Variants in GNB1 observed in about 807,000 individuals in gnomAD.
GNB1 encodes G protein subunit beta 1.
A neutral mutation model predicts 42.9 loss-of-function variants in GNB1; 2 were observed. The observed-to-expected ratio is 0.05, with a 90% CI of 0.02 to 0.15. The LOEUF (loss-of-function observed/expected upper bound fraction) is 0.15, where lower values mean the gene tolerates loss of function less well. GNB1 is among the 10% of genes least tolerant of loss of function. The probability of loss-of-function intolerance (pLI) is 1.00; values close to 1 mark genes in which losing one functional copy is unlikely to be tolerated. For missense variants in GNB1, 193 were observed against 462.2 expected, an observed-to-expected ratio of 0.42 and a Z score of 5.34; for synonymous variants, 183 against 174.7, an observed-to-expected ratio of 1.05 and a Z score of -0.38.
chr1:1,890,194 G>C (rs1650403872), intron 1 of GNB1, among the ~76,000 whole-genome samples: 1 of 152,150 alleles, frequency 6.6e-6, no homozygotes, highest in South Asian at 2.1e-4. Flanking sequence ...CTGCCTCAGC[G>C]GCTCGACACA....
intron 1 of GNB1, among the ~76,000 whole-genome samples, chr1:1,869,642 C>T (rs933305729): frequency 2.0e-5 from 3 of 152,170 alleles, no homozygotes; most frequent in East Asian, 1.9e-4. Context: ...TTATTCATCA[C>T]GTAGCTGGTT....
chr1:1,878,379 A>G (rs570227094), intron 1 of GNB1, among the ~76,000 whole-genome samples: 1 of 152,342 alleles, frequency 6.6e-6, no homozygotes, highest in South Asian at 2.1e-4. Flanking sequence ...ATGTATGCCA[A>G]GCGGGGATTA....
At chr1:1,819,706 T>C (rs1646905859) in intron 3 of GNB1, among the ~76,000 whole-genome samples, 1 of 9,840 alleles carries the variant, frequency 1.0e-4, no homozygotes, top group African/African-American at 1.2e-4. Context: ...GCCCGGCTAA[T>C]TTTTTTTTTT....
At chr1:1,806,325 T>G (rs1646694691) in intron 6 of GNB1, 150 bp downstream of exon 6, 1 of 563,800 alleles carries the variant, frequency 1.8e-6, no homozygotes, top group Non-Finnish European at 3.2e-6. Flanking sequence ...TCAGCTTCTA[T>G]CTCACCTGCG....
intron 5 of GNB1, among the ~76,000 whole-genome samples, chr1:1,806,789 C>G (rs1646700851): frequency 6.6e-6 from 1 of 152,174 alleles, no homozygotes. Flanking sequence ...GCCTGGCCAG[C>G]ATGGCGAAAC....
At chr1:1,883,330 G>A (rs1161756282) in intron 1 of GNB1, among the ~76,000 whole-genome samples, 1 of 151,614 alleles carries the variant, frequency 6.6e-6, no homozygotes, top group African/African-American at 2.4e-5. Context: ...AAAAGATAAG[G>A]ATGTGAGAGA....
At chr1:1,817,701 C>T in intron 4 of GNB1, 136 bp downstream of exon 4, 1 of 588,624 alleles carries the variant, frequency 1.7e-6, no homozygotes, top group East Asian at 2.8e-5. Context: ...AGAATGACTT[C>T]TTAATAAAAG....
At chr1:1,846,108 C>T (rs892630445) in intron 1 of GNB1, among the ~76,000 whole-genome samples, 6 of 151,682 alleles carry the variant, frequency 4.0e-5, no homozygotes, top group African/African-American at 1.5e-4. Flanking sequence ...AGTCTGCTGG[C>T]CAAATTTAGG....
intron 1 of GNB1, among the ~76,000 whole-genome samples, chr1:1,842,208 A>T (rs1417220174): frequency 6.6e-6 from 1 of 152,246 alleles, no homozygotes; most frequent in Admixed American, 6.5e-5. Flanking sequence ...AGGCGGGCAG[A>T]TCACAAGGTC....
intron 1 of GNB1, among the ~76,000 whole-genome samples, chr1:1,888,852 A>C (rs1047071864): frequency 2.6e-5 from 4 of 152,144 alleles, no homozygotes; most frequent in Admixed American, 2.0e-4. Context: ...AAAGTAAAGA[A>C]AGTTCTGCCT....
chr1:1,792,648 A>C (rs965838272), intron 8 of GNB1, among the ~76,000 whole-genome samples: 27 of 149,946 alleles, frequency 1.8e-4, no homozygotes, highest in Non-Finnish European at 3.4e-4. Flanking sequence ...CAATGAGCCG[A>C]GATCACGCCA....
intron 1 of GNB1, among the ~76,000 whole-genome samples, chr1:1,850,507 T>G (rs1172871185): frequency 6.6e-6 from 1 of 152,100 alleles, no homozygotes; most frequent in African/African-American, 2.4e-5. Flanking sequence ...ATCTTCAGTT[T>G]CACTGATTCT....
At chr1:1,802,452 A>C (rs933484278) in intron 7 of GNB1, among the ~76,000 whole-genome samples, 1 of 152,202 alleles carries the variant, frequency 6.6e-6, no homozygotes, top group African/African-American at 2.4e-5. Flanking sequence ...GGATATTAAA[A>C]ATTTCACATT....
intron 7 of GNB1, among the ~76,000 whole-genome samples, chr1:1,800,635 T>C (rs1280552678): frequency 2.0e-5 from 3 of 151,554 alleles, no homozygotes; most frequent in Non-Finnish European, 4.4e-5. Context: ...GTCTAAAACT[T>C]CCCAAATTTG....
At chr1:1,831,696 G>C (rs1420528409) in intron 2 of GNB1, among the ~76,000 whole-genome samples, 2 of 151,868 alleles carry the variant, frequency 1.3e-5, no homozygotes, top group Admixed American at 1.3e-4. Context: ...TCATCTGCCT[G>C]CCTCAGCCTC....
intron 1 of GNB1, among the ~76,000 whole-genome samples, chr1:1,856,577 G>A (rs978621452): frequency 6.6e-6 from 1 of 152,144 alleles, no homozygotes; most frequent in East Asian, 1.9e-4. Context: ...ACAGGCACGC[G>A]CTACGACGCC....
intron 1 of GNB1, among the ~76,000 whole-genome samples, chr1:1,860,553 T>C (rs1395221352): frequency 2.7e-5 from 4 of 146,966 alleles, no homozygotes; most frequent in African/African-American, 1.0e-4. Context: ...AGGAGAACGG[T>C]GTCAACCTTG....
chr1:1,880,170 T>C (rs953463340), intron 1 of GNB1, among the ~76,000 whole-genome samples: 2 of 152,044 alleles, frequency 1.3e-5, no homozygotes, highest in African/African-American at 4.8e-5. Flanking sequence ...CAGCCTCAAG[T>C]GATCCTCCTG....
chr1:1,826,668 G>T (rs1647003780), intron 2 of GNB1, among the ~76,000 whole-genome samples: 1 of 152,190 alleles, frequency 6.6e-6, no homozygotes, highest in South Asian at 2.1e-4. Context: ...TGAGCCCTGG[G>T]ATCCCAGGAG....
Sources: allele counts gnomAD v4.1 joint callset (sites outside exome capture counted in the v4.1 genomes callset), GRCh38; gene constraint gnomAD v4.1.1; transcripts MANE v1.5; gene names NCBI Gene and HGNC (gene_info 2026-07-23, HGNC 2026-07-21).